Variants in SDK1 observed in about 807,000 individuals in gnomAD.
SDK1 encodes the protein protein sidekick-1.
SDK1 carries 157 observed loss-of-function variants against 245.5 expected under a neutral mutation model. That is an observed-to-expected ratio of 0.64 (90% CI 0.56 to 0.73). The LOEUF (loss-of-function observed/expected upper bound fraction) is 0.73, where lower values mean the gene tolerates loss of function less well. SDK1 is among the 30% of genes least tolerant of loss of function. SDK1 has a pLI of 0.00. For synonymous variants in SDK1, 1,647 were observed against 1,278.5 expected (o/e 1.29, Z -6.15); for missense variants, 3,583 against 3,002.3 (o/e 1.19, Z -4.52).
At chr7:3,881,901 G>C (rs151286538) in intron 5 of SDK1, among the ~76,000 whole-genome samples, 1 of 152,100 alleles carries the variant, frequency 6.6e-6, no homozygotes, top group African/African-American at 2.4e-5. Flanking sequence ...CTCTGTTCCC[G>C]GGAGGCTCCT....
At position 4,220,157 on chromosome 7, in the gene SDK1, G is replaced by A; in HGVS notation, c.5588G>A (p.Trp1863Ter). 1 of 1,614,082 alleles carries A rather than the reference G, an allele frequency of 6.2e-7. No individual in the cohort carries two copies. The highest frequency in any genetic ancestry group is 8.5e-7 in the Non-Finnish European group (1 of 1,180,002). The change falls in exon 39 of 45, where the codon TGG (tryptophan) becomes TAG (stop). Residue 1863 changes from tryptophan (W) to a stop codon, truncating the protein, a stop_gained. Coordinates refer to ENST00000404826, the MANE Select transcript of SDK1 (RefSeq NM_152744.4). LOFTEE classifies it high-confidence loss of function. ...GAAGTGAGAGGGAACTGGCAGCGCT[G>A]GCTGAAGGTGCGGGACCTCACCAAG... ...TVEVRGNWQR[W>*]LKVRDLTKGV...
At chr7:3,590,657 T>C (rs777584819) in intron 1 of SDK1, among the ~76,000 whole-genome samples, 15 of 152,306 alleles carry the variant, frequency 9.8e-5, no homozygotes, top group Non-Finnish European at 2.2e-4. Flanking sequence ...CAGTTCCTTT[T>C]AATAGTCTCA....
intron 5 of SDK1, among the ~76,000 whole-genome samples, chr7:3,859,186 T>C (rs900262143): frequency 6.6e-6 from 1 of 152,114 alleles, no homozygotes; most frequent in African/African-American, 2.4e-5. Context: ...GCTCAAGATT[T>C]TGTGGGTCAT....
chr7:4,126,460 G>A (rs1349207556), intron 25 of SDK1, among the ~76,000 whole-genome samples: 5 of 152,216 alleles, frequency 3.3e-5, no homozygotes, highest in East Asian at 1.9e-4. Flanking sequence ...GGTGGCTCAC[G>A]CCTGTAATCC....
chr7:3,655,501 A>ATATATGTATG lies in SDK1; in HGVS notation c.713+13399_713+13400insATGTATGTAT, dbSNP rs1554303530. 3.3e-3 allele frequency among the ~76,000 whole-genome samples: 172 copies of ATATATGTATG among 52,786 alleles called. 2 individuals are homozygous for ATATATGTATG. Among genetic ancestry groups the ATATATGTATG allele is most frequent in the African/African-American group, 8.9e-3 (156 of 17,520 alleles). 34.6% of individuals were successfully genotyped at this position (52,786 alleles called of 152,430 possible). ...TATATATATATATATATATATATAT[A>ATATATGTATG]TATGTATGTATGTATATAAAATGTG... On this transcript the variant is annotated intron_variant, in intron 4 of 44. Transcript: ENST00000404826.
At chr7:3,833,207 G>C (rs867066001) in intron 5 of SDK1, among the ~76,000 whole-genome samples, 1 of 152,080 alleles carries the variant, frequency 6.6e-6, no homozygotes, top group Non-Finnish European at 1.5e-5. Context: ...TTCCTAAGTC[G>C]AACTTAAAGA....
chr7:3,619,742 C>T (rs1451266080), intron 2 of SDK1, among the ~76,000 whole-genome samples: 1 of 152,134 alleles, frequency 6.6e-6, no homozygotes, highest in African/African-American at 2.4e-5. Context: ...AGCAATAAAA[C>T]AGTATATATT....
chr7:3,572,388 G>T (rs531729976), intron 1 of SDK1, among the ~76,000 whole-genome samples: 1 of 152,014 alleles, frequency 6.6e-6, no homozygotes, highest in Non-Finnish European at 1.5e-5. Flanking sequence ...CTCAGAGCAA[G>T]AGTATGGAGA....
intron 44 of SDK1, among the ~76,000 whole-genome samples, chr7:4,258,554 C>G (rs746955908): frequency 6.6e-6 from 1 of 152,234 alleles, no homozygotes; most frequent in Non-Finnish European, 1.5e-5. Context: ...CTCCCTGCTA[C>G]TAAAAGGACT....
chr7:3,356,635 T>G (rs1306435312), intron 1 of SDK1, among the ~76,000 whole-genome samples: 1 of 152,232 alleles, frequency 6.6e-6, no homozygotes, highest in Non-Finnish European at 1.5e-5. Context: ...TGTCTGTAAT[T>G]GTTTGTTACA....
intron 14 of SDK1, among the ~76,000 whole-genome samples, chr7:3,991,379 G>A (rs1784304902): frequency 6.6e-6 from 1 of 152,152 alleles, no homozygotes; most frequent in African/African-American, 2.4e-5. Context: ...AGGCAGAAAT[G>A]GCTTTTCCCT....
intron 1 of SDK1, among the ~76,000 whole-genome samples, chr7:3,541,610 T>C (rs1347682070): frequency 6.6e-6 from 1 of 152,246 alleles, no homozygotes; most frequent in Non-Finnish European, 1.5e-5. Context: ...ATATGGCACT[T>C]ATCAAATAAT....
At chr7:3,791,360 C>A (rs1189060634) in intron 4 of SDK1, among the ~76,000 whole-genome samples, 1 of 152,140 alleles carries the variant, frequency 6.6e-6, no homozygotes, top group Non-Finnish European at 1.5e-5. Flanking sequence ...TATCGGGGCT[C>A]CGTATTTTAC....
At chr7:3,448,224 G>A (rs1281764695) in intron 1 of SDK1, among the ~76,000 whole-genome samples, 2 of 152,062 alleles carry the variant, frequency 1.3e-5, no homozygotes, top group African/African-American at 2.4e-5. Flanking sequence ...GGTGAAAACT[G>A]CTATCTCGTT....
At chr7:3,667,380 A>T (rs1783565844) in intron 4 of SDK1, among the ~76,000 whole-genome samples, 1 of 152,204 alleles carries the variant, frequency 6.6e-6, no homozygotes, top group African/African-American at 2.4e-5. Context: ...TGAGTTTATC[A>T]TGGAAAAGTC....
chr7:3,869,965 A>T (rs761585236), intron 5 of SDK1, among the ~76,000 whole-genome samples: 3 of 152,248 alleles, frequency 2.0e-5, no homozygotes, highest in Non-Finnish European at 4.4e-5. Flanking sequence ...TCAGTATTGC[A>T]AGTTAAAAAT....
intron 22 of SDK1, among the ~76,000 whole-genome samples, chr7:4,080,479 A>G (rs1231332967): frequency 1.3e-5 from 2 of 152,204 alleles, no homozygotes; most frequent in African/African-American, 4.8e-5. Flanking sequence ...TACTTATGCT[A>G]TACTGCAAGA....
intron 4 of SDK1, among the ~76,000 whole-genome samples, chr7:3,714,160 G>A (rs188296280): frequency 6.6e-6 from 1 of 152,284 alleles, no homozygotes; most frequent in Non-Finnish European, 1.5e-5. Context: ...CACATCCAGG[G>A]CAACAGAAAG....
chr7:4,010,880 T>C lies in SDK1; in HGVS notation c.2132-86T>C, dbSNP rs11979817. Reference sequence around the variant, plus strand: ...GCTGTCCTGCTAAGCAAATGAGATGTTCCCTGAGAAAGCCTTTGCATTCAC... The same window carrying C: ...GCTGTCCTGCTAAGCAAATGAGATGCTCCCTGAGAAAGCCTTTGCATTCAC... On this transcript the variant is annotated intron_variant, in intron 14 of 44. Transcript: ENST00000404826. 21,345 of 1,381,482 alleles carry C rather than the reference T, an allele frequency of 0.015. 2,336 individuals carry two copies. In the African/African-American group the frequency reaches 0.25, roughly 16 times the overall value. 85.6% of individuals were successfully genotyped at this position (1,381,482 alleles called of 1,614,324 possible).
Sources: allele counts gnomAD v4.1 joint callset (sites outside exome capture counted in the v4.1 genomes callset), GRCh38; gene constraint gnomAD v4.1.1; transcripts MANE v1.5; gene names NCBI Gene and HGNC (gene_info 2026-07-23, HGNC 2026-07-21).